The following GAS2 variants were observed in gnomAD, a reference collection of about 807,000 sequenced individuals.
GAS2 encodes the protein growth arrest-specific protein 2.
Under a neutral mutation model 37.5 loss-of-function variants are expected in GAS2, and 20 were observed. That is an observed-to-expected ratio of 0.53 (90% CI 0.37 to 0.77). The LOEUF is 0.77. Ranked by LOEUF, GAS2 falls within the 30% of genes least tolerant of loss-of-function variation. GAS2 has a pLI of 0.00. For missense variants in GAS2, 336 were observed against 373.4 expected (o/e 0.90, Z 0.82); for synonymous variants, 144 against 132.2 (o/e 1.09, Z -0.61).
chr11:22,682,653 G>T (rs1216296920), intron 2 of GAS2, among the ~76,000 whole-genome samples: 2 of 151,892 alleles, frequency 1.3e-5, no homozygotes. Context: ...GCTGAGGCGG[G>T]CAGATCACTA....
chr11:22,648,976 G>A (rs1848738270), intron 1 of GAS2, among the ~76,000 whole-genome samples: 1 of 152,114 alleles, frequency 6.6e-6, no homozygotes, highest in Middle Eastern at 3.4e-3. Context: ...GGTGAGAGAG[G>A]GCATCCCTGT....
chr11:22,641,831 T>C (rs1848633153), intron 1 of GAS2, among the ~76,000 whole-genome samples: 1 of 152,172 alleles, frequency 6.6e-6, no homozygotes, highest in African/African-American at 2.4e-5. Flanking sequence ...AGCAGTCTAA[T>C]ACAGTGATTC....
Position 22,771,583 on chromosome 11 carries a change from C to T in GAS2, c.723+15630C>T, listed in dbSNP as rs187090474. 3.0e-4 allele frequency among the ~76,000 whole-genome samples: 46 copies of T among 152,194 alleles called. 1 individual carries two copies. The East Asian group carries it at 7.5e-3, about 25-fold the overall frequency. On this transcript the variant is annotated intron_variant, in intron 7 of 7. Coordinates refer to ENST00000454584, the MANE Select transcript of GAS2 (RefSeq NM_001143830.3). ...TTTGAGGTACTGAGGTTGCATTGCA[C>T]ATAGGAAAACTGGCTCATTTTTAGT...
intron 7 of GAS2, among the ~76,000 whole-genome samples, chr11:22,756,510 T>C (rs1015057137): frequency 6.6e-6 from 1 of 152,126 alleles, no homozygotes; most frequent in Non-Finnish European, 1.5e-5. Flanking sequence ...TACGTACATC[T>C]AGTACCAGCA....
chr11:22,777,802 A>G (rs1406460447), intron 7 of GAS2, among the ~76,000 whole-genome samples: 1 of 152,220 alleles, frequency 6.6e-6, no homozygotes, highest in Non-Finnish European at 1.5e-5. Context: ...TTACACGGCA[A>G]TTGGAGATAC....
At chr11:22,683,773 C>G (rs1246820768) in intron 2 of GAS2, among the ~76,000 whole-genome samples, 3 of 151,790 alleles carry the variant, frequency 2.0e-5, no homozygotes, top group Admixed American at 2.0e-4. Context: ...CACATGCTCA[C>G]TGAGCACATT....
chr11:22,726,789 TA>T (rs2134168230), intron 4 of GAS2, among the ~76,000 whole-genome samples: 1 of 152,170 alleles, frequency 6.6e-6, no homozygotes, highest in African/African-American at 2.4e-5. Flanking sequence ...GATTAAAGGG[TA>T]GCTGTGCATG....
At chr11:22,733,239 T>C (rs1234643177) in intron 4 of GAS2, among the ~76,000 whole-genome samples, 3 of 151,688 alleles carry the variant, frequency 2.0e-5, no homozygotes, top group African/African-American at 7.2e-5. Flanking sequence ...TTCTGACTTC[T>C]AGTTTACTAT....
chr11:22,735,479 T>A (rs7111726), intron 4 of GAS2, among the ~76,000 whole-genome samples: 21,098 of 151,684 alleles, frequency 0.14, 1,652 homozygotes, highest in East Asian at 0.2. Context: ...TGAAATAAAA[T>A]GAAGAATCAT....
At chr11:22,694,429 A>G (rs1850398308) in intron 3 of GAS2, among the ~76,000 whole-genome samples, 1 of 152,212 alleles carries the variant, frequency 6.6e-6, no homozygotes, top group South Asian at 2.1e-4. Context: ...TTTCTGAAGA[A>G]TAATGTCACC....
At chr11:22,788,570 C>T (rs879395302) in intron 7 of GAS2, among the ~76,000 whole-genome samples, 6 of 152,102 alleles carry the variant, frequency 3.9e-5, no homozygotes, top group Non-Finnish European at 5.9e-5. Flanking sequence ...AGAAAAAGCA[C>T]ACTATAGTAA....
Position 22,675,040 on chromosome 11 carries a change from G to A in GAS2, c.145+26G>A. On this transcript the variant is annotated intron_variant, in intron 2 of 7. Transcript: ENST00000454584. ...GTAAGGTTATAAGATCTCATTTTGT[G>A]AGCAAAGACAACAGTTTTTGTTTTA... is the stretch of plus-strand genomic sequence containing the variant. 1.9e-6 allele frequency: 3 copies of A among 1,607,616 alleles called. 1 individual carries two copies. In the South Asian group the frequency reaches 3.3e-5, roughly 18 times the overall value.
intron 1 of GAS2, among the ~76,000 whole-genome samples, chr11:22,649,729 C>T (rs12279905): frequency 0.02 from 3,066 of 151,888 alleles, 111 homozygotes; most frequent in African/African-American, 0.068. Flanking sequence ...TATTCTCTGA[C>T]GGTAGTTTGT....
intron 1 of GAS2, among the ~76,000 whole-genome samples, chr11:22,635,436 G>A (rs1019725010): frequency 2.6e-5 from 4 of 152,344 alleles, no homozygotes; most frequent in Admixed American, 2.6e-4. Context: ...CACTTGTTAA[G>A]GCACATCTCA....
At chr11:22,706,028 G>C (rs1039957218) in intron 3 of GAS2, among the ~76,000 whole-genome samples, 3 of 152,204 alleles carry the variant, frequency 2.0e-5, no homozygotes, top group African/African-American at 2.4e-5. Flanking sequence ...AGGAAAGCAA[G>C]TATGTCTGGA....
chr11:22,649,903 G>A (rs1358913465), intron 1 of GAS2, among the ~76,000 whole-genome samples: 3 of 151,772 alleles, frequency 2.0e-5, no homozygotes, highest in African/African-American at 7.3e-5. Flanking sequence ...AGGGTTTTTT[G>A]TGTCTCTATT....
rs1183840178 is a variant in GAS2, at chr11:22,666,723, T to G, written c.-197T>G. ...GCACTAAAAGGAGCCATCAGAGAAG[T>G]ATGAAGAGGGGTAGTGCGGCTGTAG... On this transcript the variant is annotated 5_prime_UTR_variant, in exon 1 of 8. Coordinates refer to ENST00000454584, the MANE Select transcript of GAS2 (RefSeq NM_001143830.3). The G allele has an allele frequency of 6.6e-6, 1 of 152,262 alleles. No homozygotes were observed. Among genetic ancestry groups the G allele is most frequent in the Non-Finnish European group, 1.5e-5 (1 of 68,182 alleles). The allele number at this position is 152,262 out of a possible 1,614,324, so 9.4% of individuals were successfully genotyped here. A position where few individuals can be genotyped will look rare whatever the true frequency, so the allele number is the denominator to read the frequency against.
At chr11:22,666,165 G>A (rs942680721), upstream of GAS2, among the ~76,000 whole-genome samples, 61 of 152,356 alleles carry the variant, frequency 4.0e-4, no homozygotes, top group African/African-American at 1.3e-3. Flanking sequence ...TCAACATAAT[G>A]CTGAGCTGAG....
chr11:22,654,898 T>C (rs1352721736), intron 1 of GAS2, among the ~76,000 whole-genome samples: 1 of 152,168 alleles, frequency 6.6e-6, no homozygotes, highest in Non-Finnish European at 1.5e-5. Context: ...GTCTTCATGA[T>C]TAGAAAATGA....
Sources: allele counts gnomAD v4.1 joint callset (sites outside exome capture counted in the v4.1 genomes callset), GRCh38; gene constraint gnomAD v4.1.1; transcripts MANE v1.5; gene names NCBI Gene and HGNC (gene_info 2026-07-23, HGNC 2026-07-21).